SIPA1L1: variants seen among roughly 807,000 people sequenced by gnomAD.
SIPA1L1 encodes signal-induced proliferation-associated 1-like protein 1.
Under a neutral mutation model 162.7 loss-of-function variants are expected in SIPA1L1, and 26 were observed. The observed-to-expected ratio is 0.16, with a 90% CI of 0.12 to 0.22. SIPA1L1 has a LOEUF of 0.22. Ranked by LOEUF, SIPA1L1 falls within the 10% of genes least tolerant of loss-of-function variation. SIPA1L1 has a pLI of 1.00. For synonymous variants in SIPA1L1, 829 were observed against 837.4 expected (o/e 0.99, Z 0.17); for missense variants, 1,874 against 2,241.0 (o/e 0.84, Z 3.31).
chr14:71,525,053 AGCC>A (rs898863443), intron 3 of SIPA1L1, among the ~76,000 whole-genome samples: 1 of 152,214 alleles, frequency 6.6e-6, no homozygotes, highest in African/African-American at 2.4e-5. Flanking sequence ...GGCTCACTGC[AGCC>A]TCAACCTCCC....
chr14:71,349,898 C>A (rs1048813028), intron 2 of SIPA1L1, among the ~76,000 whole-genome samples: 1 of 152,054 alleles, frequency 6.6e-6, no homozygotes, highest in Non-Finnish European at 1.5e-5. Context: ...TGCCTAGGAA[C>A]CTGGTTAAGG....
intron 2 of SIPA1L1, among the ~76,000 whole-genome samples, chr14:71,322,348 A>G (rs915103247): frequency 6.6e-5 from 10 of 152,256 alleles, no homozygotes; most frequent in Non-Finnish European, 1.0e-4. Context: ...AGGTTAGATC[A>G]TACTGAATTC....
intron 2 of SIPA1L1, among the ~76,000 whole-genome samples, chr14:71,366,638 G>T (rs1202116540): frequency 6.6e-6 from 1 of 152,000 alleles, no homozygotes; most frequent in Non-Finnish European, 1.5e-5. Context: ...GGGTTTCACT[G>T]TGTTAGCCAA....
intron 16 of SIPA1L1, among the ~76,000 whole-genome samples, chr14:71,708,213 CAT>C (rs779922802): frequency 6.6e-6 from 1 of 151,496 alleles, no homozygotes; most frequent in Non-Finnish European, 1.5e-5. Flanking sequence ...AAGACTTACA[CAT>C]ATGTTTTCTT....
intron 2 of SIPA1L1, among the ~76,000 whole-genome samples, chr14:71,502,255 A>AATATATATATATATATAT (rs60241101): frequency 6.5e-4 from 63 of 97,540 alleles, no homozygotes; most frequent in African/African-American, 2.6e-3. Flanking sequence ...AAAAAAAAAA[A>AATATATATATATATATAT]ATATATATAT....
At chr14:71,661,036 T>C (rs968423648) in intron 9 of SIPA1L1, among the ~76,000 whole-genome samples, 10 of 152,100 alleles carry the variant, frequency 6.6e-5, no homozygotes, top group Non-Finnish European at 1.3e-4. Context: ...AAACTGAGGG[T>C]TTGGTGATGT....
At chr14:71,440,233 C>T (rs1032546335) in intron 2 of SIPA1L1, among the ~76,000 whole-genome samples, 1 of 151,930 alleles carries the variant, frequency 6.6e-6, no homozygotes, top group African/African-American at 2.4e-5. Context: ...CACCATGTTG[C>T]CCAGGCTGGT....
At chr14:71,550,603 G>A (rs1265428357) in intron 4 of SIPA1L1, among the ~76,000 whole-genome samples, 1 of 151,734 alleles carries the variant, frequency 6.6e-6, no homozygotes. Flanking sequence ...TCCGTTCTGG[G>A]CTGGTTTCTC....
chr14:71,323,137 T>G (rs1462149433), intron 2 of SIPA1L1, among the ~76,000 whole-genome samples: 1 of 152,218 alleles, frequency 6.6e-6, no homozygotes, highest in Non-Finnish European at 1.5e-5. Context: ...TTTGGTATAG[T>G]GCCCCCATCT....
chr14:71,552,980 C>G (rs370520354), intron 4 of SIPA1L1, among the ~76,000 whole-genome samples: 2 of 152,066 alleles, frequency 1.3e-5, no homozygotes, highest in African/African-American at 4.8e-5. Flanking sequence ...GCTGCATCCC[C>G]GGCCTCTACC....
chr14:71,584,277 G>C (rs2034314043), intron 4 of SIPA1L1, among the ~76,000 whole-genome samples: 1 of 152,166 alleles, frequency 6.6e-6, no homozygotes, highest in African/African-American at 2.4e-5. Context: ...GAGCCAGAAT[G>C]ACAAGGGATT....
At chr14:71,538,455 G>A (rs1050026826) in intron 4 of SIPA1L1, among the ~76,000 whole-genome samples, 2 of 152,156 alleles carry the variant, frequency 1.3e-5, no homozygotes, top group Non-Finnish European at 1.5e-5. Context: ...TGCAAGGAAG[G>A]CGGTTAAATG....
chr14:71,349,074 A>G (rs935620125), intron 2 of SIPA1L1, among the ~76,000 whole-genome samples: 3 of 152,208 alleles, frequency 2.0e-5, no homozygotes, highest in Non-Finnish European at 4.4e-5. Context: ...AATATCACAG[A>G]TTTGTTTAAC....
chr14:71,558,106 C>T (rs2056494248), intron 4 of SIPA1L1, among the ~76,000 whole-genome samples: 3 of 152,110 alleles, frequency 2.0e-5, no homozygotes, highest in Non-Finnish European at 2.9e-5. Context: ...ACTCTTACAT[C>T]ATATGTTTGT....
rs1267458238 is a variant in SIPA1L1, at chr14:71,672,489, G to A, written c.2971G>A (p.Gly991Ser). 1 of 1,614,226 alleles carries A rather than the reference G, an allele frequency of 6.2e-7. No individual in the cohort carries two copies. Among genetic ancestry groups the A allele is most frequent in the East Asian group, 2.2e-5 (1 of 44,890 alleles). ...TGCCTGGCAGGCAGGGCTGAGGCAGGGCAGTCGCCTGGTGGAGATCTGCAA... is the reference window on the plus strand; with the variant it reads ...TGCCTGGCAGGCAGGGCTGAGGCAGAGCAGTCGCCTGGTGGAGATCTGCAA... ...GYAWQAGLRQ[G>S]SRLVEICKVA... The change falls in exon 12 of 24, where the codon GGC becomes AGC. Residue 991 changes from glycine to serine, a missense_variant. This residue lies in a region of SIPA1L1 where 936 missense variants were observed against 1,051.9 expected (regional missense o/e 0.89). Coordinates refer to ENST00000381232, the MANE Select transcript of SIPA1L1 (RefSeq NM_001386936.1).
At chr14:71,726,721 G>A (rs1030618753) in intron 19 of SIPA1L1, among the ~76,000 whole-genome samples, 1 of 152,216 alleles carries the variant, frequency 6.6e-6, no homozygotes, top group African/African-American at 2.4e-5. Flanking sequence ...CAGGAACTGG[G>A]AATAGGCCCA....
intron 13 of SIPA1L1, among the ~76,000 whole-genome samples, chr14:71,686,173 A>G (rs181210011): frequency 5.1e-4 from 77 of 152,332 alleles, no homozygotes; most frequent in Non-Finnish European, 8.1e-4. Flanking sequence ...ATACGTTAAA[A>G]CACTTAGTCC....
At chr14:71,410,894 A>G (rs1204283249) in intron 2 of SIPA1L1, among the ~76,000 whole-genome samples, 1 of 152,166 alleles carries the variant, frequency 6.6e-6, no homozygotes, top group Non-Finnish European at 1.5e-5. Context: ...GGTTAAATAC[A>G]TAGAATTCCT....
intron 7 of SIPA1L1, among the ~76,000 whole-genome samples, chr14:71,640,292 TAGG>T (rs1210033719): frequency 6.6e-6 from 1 of 152,152 alleles, no homozygotes; most frequent in Non-Finnish European, 1.5e-5. Context: ...GAGAAAAACA[TAGG>T]AGAAAATCTT....
Sources: allele counts gnomAD v4.1 joint callset (sites outside exome capture counted in the v4.1 genomes callset), GRCh38; gene constraint gnomAD v4.1.1; regional missense constraint gnomAD v4.1.1; transcripts MANE v1.5; gene names NCBI Gene and HGNC (gene_info 2026-07-23, HGNC 2026-07-21).